Variants in FAM217A observed in about 807,000 individuals in gnomAD.
The protein encoded by FAM217A is family with sequence similarity 217 member A, also known as protein FAM217A.
A neutral mutation model predicts 18.5 loss-of-function variants in FAM217A; 13 were observed. The ratio of observed to expected loss-of-function variants is 0.70; its 90% CI spans 0.46 to 1.12. FAM217A has a LOEUF of 1.12. Among genes scored for constraint, FAM217A ranks in the 50% most tolerant of loss-of-function variants. The pLI is 0.00. For missense variants in FAM217A, 560 were observed against 575.4 expected (o/e 0.97, Z 0.27); for synonymous variants, 161 against 202.8 (o/e 0.79, Z 1.75).
rs771951997 is a variant in FAM217A, at chr6:4,084,768, G to T, written c.61C>A (p.His21Asn). ...CAGCTGATCTTGTCACACCCACCATGGCGAGGGGGAAGAAGAAGGTATTCA... is the reference window on the plus strand; with the variant it reads ...CAGCTGATCTTGTCACACCCACCATTGCGAGGGGGAAGAAGAAGGTATTCA... Residue 21 changes from histidine to asparagine, a missense_variant, in exon 2 of 9, where the codon CAT becomes AAT. His to Asn is a moderately conservative substitution (Grantham distance 68). Transcript: ENST00000639338. 3 of 702,974 alleles carry T rather than the reference G, an allele frequency of 4.3e-6. No homozygotes were observed. The South Asian group carries it at 4.4e-5, about 10-fold the overall frequency. The allele number at this position is 702,974 out of a possible 1,614,324, so 43.5% of individuals were successfully genotyped here.
At position 4,068,951 on chromosome 6, in the gene FAM217A, A is replaced by G; in HGVS notation, c.1272T>C (p.Asn424=). ...LSFKPTIGHT[N]QSMVKMVSTR... is the part of the protein sequence containing the mutation. ...TGGAGACCATTTTAACCATTGATTG[A>G]TTTGTATGGCCAATAGTAGGTTTGA... The change falls in exon 7 of 7, where the codon AAT becomes AAC. Residue 424 remains asparagine (N), a synonymous_variant. Transcript: ENST00000274673. 6.2e-7 allele frequency: 1 copy of G among 1,614,128 alleles called. No individual in the cohort carries two copies.
At position 4,069,102 on chromosome 6, in the gene FAM217A, G is replaced by A; in HGVS notation, c.1121C>T (p.Ala374Val). 1 of 1,614,180 alleles carries A rather than the reference G, an allele frequency of 6.2e-7. No individual in the cohort carries two copies. Among genetic ancestry groups the A allele is most frequent in the Non-Finnish European group, 8.5e-7 (1 of 1,180,034 alleles). The change falls in exon 7 of 7, where the codon GCT becomes GTT. Residue 374 changes from alanine to valine, a missense_variant. Physicochemically the swap from Ala to Val is moderately conservative, Grantham distance 64. Transcript: ENST00000274673. ...QNALKRNWSN[A>V]GKYRWNSRPL... ...TCTAGAATTCCATCTATATTTGCCAGCATTGCTCCAATTCCGTTTTAAAGC... is the reference window on the plus strand; with the variant it reads ...TCTAGAATTCCATCTATATTTGCCAACATTGCTCCAATTCCGTTTTAAAGC...
At position 4,078,994 on chromosome 6, in the gene FAM217A, G is replaced by T; in HGVS notation, c.-177C>A. On this transcript the variant is annotated 5_prime_UTR_variant, in exon 1 of 7. Transcript: ENST00000274673. The stretch of plus-strand genomic sequence containing the variant: ...CTGCAGCGGGGGGACAAAGAGGGCG[G>T]CGGGCGGCTGGCGGCCTTGAGCGCA... The T allele has an allele frequency of 2.1e-6, 1 of 482,720 alleles. No individual in the cohort carries two copies. The highest frequency in any genetic ancestry group is 3.6e-6 in the Non-Finnish European group (1 of 274,054). 29.9% of individuals were successfully genotyped at this position (482,720 alleles called of 1,614,324 possible). A position where few individuals can be genotyped will look rare whatever the true frequency, so the allele number is the denominator to read the frequency against.
intron 2 of FAM217A, 79 bp downstream of exon 2, chr6:4,077,276 C>CA: frequency 1.4e-6 from 2 of 1,461,134 alleles, no homozygotes; most frequent in Non-Finnish European, 1.9e-6. Context: ...GGCATCACTA[C>CA]AAGAAAACTC....
At chr6:4,076,574 C>G (rs1769808477) in intron 2 of FAM217A, among the ~76,000 whole-genome samples, 1 of 152,008 alleles carries the variant, frequency 6.6e-6, no homozygotes, top group East Asian at 1.9e-4. Context: ...TGTTGCAATT[C>G]TAAAATAAAA....
chr6:4,077,753 A>G (rs534195952), intron 1 of FAM217A, among the ~76,000 whole-genome samples: 2 of 152,334 alleles, frequency 1.3e-5, no homozygotes, highest in South Asian at 4.1e-4. Context: ...GGAACAAACT[A>G]TGGTGAATTA....
At chr6:4,079,631 C>CCACCCGCCTA (rs1242604388), upstream of FAM217A, 1 of 1,288,680 alleles carries the variant, frequency 7.8e-7, no homozygotes, top group Non-Finnish European at 1.0e-6. Flanking sequence ...CCACCCGCCT[C>CCACCCGCCTA]CACCCTCCAT....
chr6:4,070,706 T>C (rs1769342399), intron 6 of FAM217A, among the ~76,000 whole-genome samples: 1 of 152,044 alleles, frequency 6.6e-6, no homozygotes. Flanking sequence ...TGGAAAAGTT[T>C]TGAAAAATAC....
Position 4,068,558 on chromosome 6 carries a change from A to C in FAM217A, c.*138T>G. On this transcript the variant is annotated 3_prime_UTR_variant, in exon 7 of 7. Transcript: ENST00000274673. ...CTCAGCAGTGCTTTTCACAAGTTCTACTCCATATCACATCAAGCAACTGTT... is the reference window on the plus strand; with the variant it reads ...CTCAGCAGTGCTTTTCACAAGTTCTCCTCCATATCACATCAAGCAACTGTT... The C allele has an allele frequency of 1.1e-6, 1 of 898,162 alleles. No individual in the cohort carries two copies. Among genetic ancestry groups the C allele is most frequent in the South Asian group, 1.8e-5 (1 of 54,778 alleles). 55.6% of individuals were successfully genotyped at this position (898,162 alleles called of 1,614,324 possible).
upstream of FAM217A, among the ~76,000 whole-genome samples, chr6:4,081,135 CAATTGATTT>C (rs1770267875): frequency 6.6e-6 from 1 of 152,106 alleles, no homozygotes; most frequent in African/African-American, 2.4e-5. Context: ...ATAAATGTTT[CAATTGATTT>C]AATTATTGCA....
At chr6:4,079,745 C>A, upstream of FAM217A, 1 of 945,742 alleles carries the variant, frequency 1.1e-6, no homozygotes, top group Non-Finnish European at 1.4e-6. Context: ...TATATCTATG[C>A]TTGTACAATA....
At chr6:4,083,580 C>A (rs1430483546), upstream of FAM217A, among the ~76,000 whole-genome samples, 1 of 149,654 alleles carries the variant, frequency 6.7e-6, no homozygotes, top group Non-Finnish European at 1.5e-5. Flanking sequence ...GAGACAGAGT[C>A]CCACTCTGTT....
intron 2 of FAM217A, among the ~76,000 whole-genome samples, chr6:4,074,915 T>TA (rs1275592679): frequency 1.3e-5 from 2 of 150,040 alleles, no homozygotes; most frequent in Non-Finnish European, 3.0e-5. Context: ...CACATTTTGT[T>TA]AAATATAATA....
chr6:4,074,604 G>A lies in FAM217A; in HGVS notation c.118C>T (p.Pro40Ser), dbSNP rs746667771. The A allele has an allele frequency of 2.1e-5, 34 of 1,613,402 alleles. No homozygotes were observed. In the South Asian group the frequency reaches 3.5e-4, roughly 17 times the overall value. The part of the protein sequence containing the change: ...EVPVSENKNL[P>S]AGRDGAAGGK... ...CCTGCTGCTCCATCCCTTCCAGCTGGGAGGTTTTTATTTTCAGAAACAGGT... is the reference window on the plus strand; with the variant it reads ...CCTGCTGCTCCATCCCTTCCAGCTGAGAGGTTTTTATTTTCAGAAACAGGT... Residue 40 changes from proline (P) to serine (S), a missense_variant, in exon 3 of 7, where the codon CCA becomes TCA. Physicochemically the swap from Pro to Ser is moderately conservative, Grantham distance 74. Transcript: ENST00000274673.
chr6:4,076,859 C>CT (rs1454976309), intron 2 of FAM217A, among the ~76,000 whole-genome samples: 1 of 152,202 alleles, frequency 6.6e-6, no homozygotes, highest in Non-Finnish European at 1.5e-5. Flanking sequence ...CAGAGGAAGA[C>CT]TAAGTCTCGT....
At chr6:4,083,248 G>A (rs899201338), upstream of FAM217A, among the ~76,000 whole-genome samples, 1 of 152,190 alleles carries the variant, frequency 6.6e-6, no homozygotes, top group African/African-American at 2.4e-5. Flanking sequence ...GCCCACCTCA[G>A]TTTCTCCTCC....
chr6:4,081,260 C>T (rs1040014038), upstream of FAM217A, among the ~76,000 whole-genome samples: 1 of 152,162 alleles, frequency 6.6e-6, no homozygotes, highest in Admixed American at 6.5e-5. Flanking sequence ...TCCAATGAAG[C>T]AGGTACCACC....
chr6:4,074,296 TA>T, intron 4 of FAM217A, 146 bp downstream of exon 4: 1 of 585,786 alleles, frequency 1.7e-6, no homozygotes, highest in Non-Finnish European at 2.9e-6. Context: ...CTTGAAACTC[TA>T]AAATATTTGA....
chr6:4,069,989 T>C, intron 6 of FAM217A, 69 bp from the exon 7 acceptor site: 1 of 1,106,434 alleles, frequency 9.0e-7, no homozygotes. Flanking sequence ...AATGATACAG[T>C]TAAGTACCCT....
Sources: allele counts gnomAD v4.1 joint callset (sites outside exome capture counted in the v4.1 genomes callset), GRCh38; gene constraint gnomAD v4.1.1; transcripts MANE v1.5; gene names NCBI Gene and HGNC (gene_info 2026-07-23, HGNC 2026-07-21).